Variants in TRMT2A observed in about 807,000 individuals in gnomAD.
TRMT2A encodes the protein tRNA (uracil-5-)-methyltransferase homolog A.
A neutral mutation model predicts 59.3 loss-of-function variants in TRMT2A; 60 were observed. The observed-to-expected ratio is 1.01, with a 90% CI of 0.82 to 1.26. The LOEUF (loss-of-function observed/expected upper bound fraction) is 1.26. TRMT2A is among the 50% of genes most tolerant of loss of function. The pLI, the probability that TRMT2A is intolerant of heterozygous loss-of-function variation, is 0.00. For synonymous variants in TRMT2A, 403 were observed against 353.7 expected, an observed-to-expected ratio of 1.14 and a Z score of -1.56; for missense variants, 863 against 845.2, an observed-to-expected ratio of 1.02 and a Z score of -0.26.
rs1456205103 is a variant in TRMT2A, at chr22:20,114,867, G to A, written c.1015C>T (p.Pro339Ser). Residue 339 changes from proline to serine, a missense_variant, in exon 6 of 12, where the codon CCT becomes TCT. Pro to Ser is a moderately conservative substitution (Grantham distance 74). Coordinates refer to ENST00000252136, the MANE Select transcript of TRMT2A (RefSeq NM_022727.6). ...IAYFHPQKLS[P>S]EELAELKTSL... ...GTCTTCAGCTCTGCCAGCTCCTCAG[G>A]GCTCAGCTTCTGGAGTAAGTGGTGA... 6.3e-7 allele frequency: 1 copy of A among 1,594,590 alleles called. No homozygotes were observed. Among genetic ancestry groups the A allele is most frequent in the African/African-American group, 1.3e-5 (1 of 74,424 alleles).
At position 20,116,660 on chromosome 22, in the gene TRMT2A, G is replaced by A. The variant is rs755226288; in HGVS notation, c.25-48C>T. The A allele has an allele frequency of 7.2e-5, 109 of 1,509,962 alleles. No individual in the cohort carries two copies. In the East Asian group the frequency reaches 2.4e-3, roughly 33 times the overall value. The allele number at this position is 1,509,962 out of a possible 1,614,324, so 93.5% of individuals were successfully genotyped here. ...CTAGGGTGAGGACTAGGCCCTGGGG[G>A]CCTGGCCCCCCAAGCTTCCTTATGG... On this transcript the variant is annotated intron_variant, in intron 1 of 11. Coordinates refer to ENST00000252136, the MANE Select transcript of TRMT2A (RefSeq NM_022727.6).
At position 20,116,963 on chromosome 22, in the gene TRMT2A, C is replaced by T. The variant is rs2050046030; in HGVS notation, c.-57G>A. The T allele has an allele frequency of 6.4e-7, 1 of 1,560,256 alleles. No individual in the cohort carries two copies. The highest frequency in any genetic ancestry group is 8.7e-7 in the Non-Finnish European group (1 of 1,151,404). On this transcript the variant is annotated 5_prime_UTR_variant, in exon 1 of 12. Coordinates refer to ENST00000252136, the MANE Select transcript of TRMT2A (RefSeq NM_022727.6). ...CGCCATGGGGGCCGCCTGGCCACCT[C>T]GTCCTGGGCCTGTCACAAGGGAAGT...
Position 20,117,051 on chromosome 22 carries a change from G to A in TRMT2A, c.-145C>T. 9.3e-7 allele frequency: 1 copy of A among 1,072,848 alleles called. No homozygotes were observed. Among genetic ancestry groups the A allele is most frequent in the Non-Finnish European group, 1.3e-6 (1 of 745,268 alleles). The allele number at this position is 1,072,848 out of a possible 1,614,324, so 66.5% of individuals were successfully genotyped here. On this transcript the variant is annotated 5_prime_UTR_variant, in exon 1 of 12. Coordinates refer to ENST00000252136, the MANE Select transcript of TRMT2A (RefSeq NM_022727.6). ...CACAGAGCCGGTGCAACGCCGCGAG[G>A]TCGCCGCCACCCCCGGCTTCGCCCC...
At position 20,116,112 on chromosome 22, in the gene TRMT2A, T is replaced by C. The variant is rs376574706; in HGVS notation, c.525A>G (p.Leu175=). 3.1e-6 allele frequency: 5 copies of C among 1,612,156 alleles called. No individual in the cohort carries two copies. The highest frequency in any genetic ancestry group is 4.2e-6 in the Non-Finnish European group (5 of 1,179,228). The change falls in exon 2 of 12, where the codon CTA becomes CTG. Residue 175 remains leucine, a synonymous_variant. Coordinates refer to ENST00000252136, the MANE Select transcript of TRMT2A (RefSeq NM_022727.6). ...VTRVADVVTP[L]WTVPYAEQLE... ...GCTGCTCAGCATAGGGCACTGTCCA[T>C]AGAGGGGTCACCACGTCGGCCACTC...
Position 20,113,114 on chromosome 22 carries a change from TCA to T in TRMT2A, c.1549+2_1549+3del. On this transcript the variant is annotated splice_donor_variant and splice_donor_region_variant and intron_variant, in intron 10 of 11. Transcript: ENST00000252136. LOFTEE classifies it high-confidence loss of function. ...TGCCACCTCCTTAAGCAAAAGCCAC[TCA>T]CGCAAGCCAGCACGGGGTGGGTCCA... 4 of 1,606,214 alleles carry T rather than the reference TCA, an allele frequency of 2.5e-6. No homozygotes were observed. The highest frequency in any genetic ancestry group is 3.4e-6 in the Non-Finnish European group (4 of 1,175,144).
At chr22:20,113,379 C>T in intron 9 of TRMT2A, 53 bp downstream of exon 9, 3 of 1,573,742 alleles carry the variant, frequency 1.9e-6, no homozygotes, top group Non-Finnish European at 2.6e-6. Flanking sequence ...AGGCTTGCAG[C>T]AGGGGTGGCG....
In TRMT2A at chr22:20,112,963, G is replaced by T. The variant is rs200053743; in HGVS notation, c.1594C>A (p.Arg532=). Residue 532 remains arginine (R), a synonymous_variant, in exon 11 of 12, where the codon CGG becomes AGG. Transcript: ENST00000252136. ...GGGTTGCATGAGACGTACAGCAGCC[G>T]CCTGAGGTTCTTAGCTCTCCGGATG... ...LAIRRAKNLR[R]LLYVSCNPRA... 6.2e-7 allele frequency: 1 copy of T among 1,613,808 alleles called. No homozygotes were observed. The highest frequency in any genetic ancestry group is 2.2e-5 in the East Asian group (1 of 44,884).
intron 6 of TRMT2A, 22 bp downstream of exon 6, chr22:20,114,739 C>T (rs1400606733): frequency 1.2e-6 from 2 of 1,611,278 alleles, no homozygotes; most frequent in African/African-American, 2.7e-5. Flanking sequence ...GGGACCTGCC[C>T]CGCCCCACTC....
chr22:20,116,808 C>T, intron 1 of TRMT2A, 75 bp downstream of exon 1: 1 of 1,478,214 alleles, frequency 6.8e-7, no homozygotes, highest in Non-Finnish European at 9.3e-7. Context: ...CACCTATTCT[C>T]TGGCAGGTTT....
rs1453108719 is a variant in TRMT2A at position 20,117,040 on chromosome 22, A to G, written c.-134T>C. 3.3e-6 allele frequency: 4 copies of G among 1,224,704 alleles called. No individual in the cohort carries two copies. Among genetic ancestry groups the G allele is most frequent in the Admixed American group, 2.3e-5 (1 of 42,566 alleles). 75.9% of individuals were successfully genotyped at this position (1,224,704 alleles called of 1,614,324 possible). Reference sequence around the variant, plus strand: ...GGGGAGGTGCTCACAGAGCCGGTGCAACGCCGCGAGGTCGCCGCCACCCCC... The same window carrying G: ...GGGGAGGTGCTCACAGAGCCGGTGCGACGCCGCGAGGTCGCCGCCACCCCC... On this transcript the variant is annotated 5_prime_UTR_variant, in exon 1 of 12. Transcript: ENST00000252136.
intron 9 of TRMT2A, 31 bp downstream of exon 9, chr22:20,113,401 C>CCCCCCCCCCCCCCCCCCCCAGG: frequency 2.2e-6 from 2 of 893,472 alleles, no homozygotes; most frequent in Non-Finnish European, 3.6e-6. Flanking sequence ...CTGCCCCCAT[C>CCCCCCCCCCCCCCCCCCCCAGG]CCCACCCCCA....
Position 20,116,511 on chromosome 22 carries a change from C to T in TRMT2A, c.126G>A (p.Val42=). ...PPAAPAALEE[V]EKEGAGAATG... is the part of the protein sequence containing the mutation. ...TAGCCGCCCCAGCGCCCTCTTTCTC[C>T]ACCTCCTCCAGGGCTGCCGGGGCTG... The change falls in exon 2 of 12, where the codon GTG becomes GTA. Residue 42 remains valine, a synonymous_variant. Coordinates refer to ENST00000252136, the MANE Select transcript of TRMT2A (RefSeq NM_022727.6). The T allele has an allele frequency of 1.9e-6, 3 of 1,612,446 alleles. No homozygotes were observed. The highest frequency in any genetic ancestry group is 1.7e-6 in the Non-Finnish European group (2 of 1,179,884).
chr22:20,114,638 T>C lies in TRMT2A; in HGVS notation c.1169A>G (p.Asp390Gly), dbSNP rs749723729. The change falls in exon 7 of 12, where the codon GAC becomes GGC. Residue 390 changes from aspartate to glycine, a missense_variant. Asp to Gly is a moderately conservative substitution (Grantham distance 94). Transcript: ENST00000252136. ...TAGCAGGTCCTCGTGGATGCACCGG[T>C]CCCCAGCCACATGCTCCAGGGGCAG... ...EGLPLEHVAG[D>G]RCIHEDLLGL... 1.5e-5 allele frequency: 24 copies of C among 1,613,658 alleles called. No homozygotes were observed. In the South Asian group the frequency reaches 2.6e-4, roughly 18 times the overall value.
At position 20,112,813 on chromosome 22, in the gene TRMT2A, G is replaced by T. The variant is rs754116074; in HGVS notation, c.1647-19C>A. ...GCAGAGGCTGTGGGGGGAAAAGGGG[G>T]GCGCTAAGGTCAGCCGATAGGCTAA... On this transcript the variant is annotated intron_variant, in intron 11 of 11. Transcript: ENST00000252136. 2 of 1,612,846 alleles carry T rather than the reference G, an allele frequency of 1.2e-6. No homozygotes were observed. Among genetic ancestry groups the T allele is most frequent in the Admixed American group, 3.3e-5 (2 of 60,012 alleles).
chr22:20,113,235 C>T lies in TRMT2A; in HGVS notation c.1433-1G>A. On this transcript the variant is annotated splice_acceptor_variant, in intron 9 of 11. Coordinates refer to ENST00000252136, the MANE Select transcript of TRMT2A (RefSeq NM_022727.6). LOFTEE classifies it high-confidence loss of function. ...CAGTGGAACTCCACATTACTCAACTCTGAAGAGATGGCACCGTGGCCTGTC... is the reference window on the plus strand; with the variant it reads ...CAGTGGAACTCCACATTACTCAACTTTGAAGAGATGGCACCGTGGCCTGTC... The T allele has an allele frequency of 1.3e-6, 2 of 1,550,306 alleles. No individual in the cohort carries two copies. Among genetic ancestry groups the T allele is most frequent in the African/African-American group, 1.4e-5 (1 of 73,566 alleles).
chr22:20,112,867 TG>T, intron 11 of TRMT2A, 43 bp downstream of exon 11: 1 of 1,612,534 alleles, frequency 6.2e-7, no homozygotes, highest in Non-Finnish European at 8.5e-7. Context: ...GCTGGGGGCT[TG>T]GTAGCAGGCC....
chr22:20,116,509 TCCA>T lies in TRMT2A; in HGVS notation c.125_127del (p.Val42del). 2.5e-6 allele frequency: 4 copies of T among 1,612,414 alleles called. No homozygotes were observed. The South Asian group carries it at 4.4e-5, about 18-fold the overall frequency. ...TGTAGCCGCCCCAGCGCCCTCTTTCTCCACCTCCTCCAGGGCTGCCGGGGCTGC... is the reference window on the plus strand; with the variant it reads ...TGTAGCCGCCCCAGCGCCCTCTTTCTCCTCCTCCAGGGCTGCCGGGGCTGC... On this transcript the variant is annotated inframe_deletion, in exon 2 of 12. Transcript: ENST00000252136.
At chr22:20,114,383 G>A (rs1037946060) in intron 7 of TRMT2A, among the ~76,000 whole-genome samples, 191 bp downstream of exon 7, 1 of 152,256 alleles carries the variant, frequency 6.6e-6, no homozygotes, top group African/African-American at 2.4e-5. Flanking sequence ...CCACTGCCGT[G>A]TGTACCTCTA....
At chr22:20,115,584 A>G in intron 3 of TRMT2A, 88 bp downstream of exon 3, 2 of 1,567,550 alleles carry the variant, frequency 1.3e-6, no homozygotes. Context: ...GAAAACACAA[A>G]GCAGGGAGAT....
Sources: allele counts gnomAD v4.1 joint callset (sites outside exome capture counted in the v4.1 genomes callset), GRCh38; gene constraint gnomAD v4.1.1; transcripts MANE v1.5; gene names NCBI Gene and HGNC (gene_info 2026-07-23, HGNC 2026-07-21).